The following OVCH2 variants were observed in gnomAD, a reference collection of about 807,000 sequenced individuals.
OVCH2 encodes the protein ovochymase 2, also known as ovochymase-2.
In OVCH2, 88 loss-of-function variants were observed where a neutral mutation model predicts 73.7. The observed-to-expected ratio is 1.19, with a 90% CI of 1.01 to 1.43. OVCH2 has a LOEUF of 1.43. Among genes scored for constraint, OVCH2 ranks in the 40% most tolerant of loss-of-function variants. The pLI, the probability that OVCH2 is intolerant of heterozygous loss-of-function variation, is 0.00. For missense variants in OVCH2, 706 were observed against 674.5 expected (o/e 1.05, Z -0.52); for synonymous variants, 265 against 234.5 (o/e 1.13, Z -1.19).
Position 7,703,881 on chromosome 11 carries a change from A to G in OVCH2, c.199-92T>C, listed in dbSNP as rs372812642. ...AGCCTATTCTCAAAACCAGACTCAG[A>G]TATCACACTCGTAAATGTCAAGAAT... is the stretch of plus-strand genomic sequence containing the variant. On this transcript the variant is annotated intron_variant, in intron 2 of 15. Transcript: ENST00000533663. 6.8e-4 allele frequency: 640 copies of G among 938,370 alleles called. 11 individuals are homozygous for G. In the South Asian group the frequency reaches 8.7e-3, roughly 13 times the overall value. 58.1% of individuals were successfully genotyped at this position (938,370 alleles called of 1,614,324 possible). A position where few individuals can be genotyped will look rare whatever the true frequency, so the allele number is the denominator to read the frequency against.
chr11:7,698,085 C>T (rs530820636), intron 8 of OVCH2, among the ~76,000 whole-genome samples: 1 of 152,260 alleles, frequency 6.6e-6, no homozygotes, highest in African/African-American at 2.4e-5. Flanking sequence ...TTTTTCTTTA[C>T]CCATATTCCA....
In OVCH2 at chr11:7,691,876, C is replaced by T. The variant is rs137954827; in HGVS notation, c.1507+26G>A. ...GACTGGGTCCAAACACAAACCAGAG[C>T]GAGCTGAGGCTCAGAGGACACAAAC... is the stretch of plus-strand genomic sequence containing the variant. On this transcript the variant is annotated intron_variant, in intron 13 of 15. Coordinates refer to ENST00000533663, the MANE Select transcript of OVCH2 (RefSeq NM_198185.7). The T allele has an allele frequency of 1.3e-3, 2,036 of 1,525,700 alleles. 46 individuals are homozygous for T. The East Asian group carries it at 0.044, about 33-fold the overall frequency. The allele number at this position is 1,525,700 out of a possible 1,614,324, so 94.5% of individuals were successfully genotyped here.
intron 3 of OVCH2, 130 bp from the exon 4 acceptor site, chr11:7,702,459 A>C: frequency 1.4e-6 from 1 of 728,312 alleles, no homozygotes; most frequent in Non-Finnish European, 2.1e-6. Context: ...TGAGCAGAGA[A>C]AGTGAGAATA....
At position 7,696,523 on chromosome 11, in the gene OVCH2, A is replaced by G; in HGVS notation, c.1083T>C (p.Asp361=). Reference sequence around the variant, plus strand: ...GGTAACTGTGGTGACAAGACTCAACATCTAGGTGGGAAAAACTGAGCAACA... The same window carrying G: ...GGTAACTGTGGTGACAAGACTCAACGTCTAGGTGGGAAAAACTGAGCAACA... ...MHVLLSFSHL[D]VESCHHSYLS... Residue 361 remains aspartate, a synonymous_variant, in exon 10 of 16, where the codon GAT becomes GAC. Transcript: ENST00000533663. 1 of 1,614,024 alleles carries G rather than the reference A, an allele frequency of 6.2e-7. No homozygotes were observed. The highest frequency in any genetic ancestry group is 8.5e-7 in the Non-Finnish European group (1 of 1,179,884).
At chr11:7,688,719 ATCT>A (rs1338227665), downstream of OVCH2, among the ~76,000 whole-genome samples, 1 of 152,244 alleles carries the variant, frequency 6.6e-6, no homozygotes, top group Non-Finnish European at 1.5e-5. Flanking sequence ...TCCCCACCTC[ATCT>A]TCTGCCTGCT....
At chr11:7,697,125 C>T (rs1856352400) in intron 8 of OVCH2, among the ~76,000 whole-genome samples, 2 of 152,176 alleles carry the variant, frequency 1.3e-5, no homozygotes, top group Admixed American at 1.3e-4. Context: ...CAACCTCAAC[C>T]TCCTGGGCTC....
Position 7,704,650 on chromosome 11 carries a change from A to G in OVCH2, c.113T>C (p.Val38Ala). Reference sequence around the variant, plus strand: ...AAAATAATTCCAAGGCTGTACCTTAACCAGACTCTGCCCACAACTGGGAGC... The same window carrying G: ...AAAATAATTCCAAGGCTGTACCTTAGCCAGACTCTGCCCACAACTGGGAGC... ...PKAPSCGQSLVKVQPWNYFNI... is the reference protein window; with the variant it reads ...PKAPSCGQSLAKVQPWNYFNI... Residue 38 changes from valine (V) to alanine (A), a missense_variant, in exon 2 of 16, where the codon GTT becomes GCT. By Grantham distance (64) the Val-to-Ala change is moderately conservative (BLOSUM62 0). Coordinates refer to ENST00000533663, the MANE Select transcript of OVCH2 (RefSeq NM_198185.7). 1 of 1,612,492 alleles carries G rather than the reference A, an allele frequency of 6.2e-7. No individual in the cohort carries two copies. Among genetic ancestry groups the G allele is most frequent in the South Asian group, 1.1e-5 (1 of 90,752 alleles).
At chr11:7,704,773 T>G (rs1360621617) in intron 1 of OVCH2, 99 bp from the exon 2 acceptor site, 2 of 734,162 alleles carry the variant, frequency 2.7e-6, no homozygotes, top group Non-Finnish European at 2.3e-6. Context: ...GAGACTATGG[T>G]GTATGGTGCT....
downstream of OVCH2, among the ~76,000 whole-genome samples, chr11:7,689,180 G>T (rs554004190): frequency 1.3e-5 from 2 of 152,284 alleles, no homozygotes; most frequent in South Asian, 4.1e-4. Context: ...AGATCATCTT[G>T]AATAATCTGG....
At chr11:7,692,218 A>G (rs1856236277) in intron 12 of OVCH2, among the ~76,000 whole-genome samples, 1 of 152,230 alleles carries the variant, frequency 6.6e-6, no homozygotes, top group African/African-American at 2.4e-5. Context: ...ATCAAAGGGC[A>G]GGAAACTGTG....
At chr11:7,700,630 AT>A in intron 6 of OVCH2, 145 bp from the exon 7 acceptor site, 2 of 882,050 alleles carry the variant, frequency 2.3e-6, no homozygotes, top group Non-Finnish European at 3.3e-6. Flanking sequence ...GTGTATACAG[AT>A]CCCAGCACAA....
the OVCH2 span, among the ~76,000 whole-genome samples, chr11:7,680,021 T>C: frequency 1.3e-5 from 2 of 150,858 alleles, no homozygotes; most frequent in Non-Finnish European, 3.0e-5. Context: ...TCGACTGTGT[T>C]CTTCGGAATA....
At chr11:7,692,936 C>T (rs1490278139) in intron 12 of OVCH2, among the ~76,000 whole-genome samples, 4 of 152,194 alleles carry the variant, frequency 2.6e-5, no homozygotes, top group Non-Finnish European at 2.9e-5. Flanking sequence ...AAAAACTTGG[C>T]AGTGAATATC....
chr11:7,691,590 C>G (rs1330336871), intron 13 of OVCH2, among the ~76,000 whole-genome samples, 190 bp from the exon 14 acceptor site: 4 of 152,210 alleles, frequency 2.6e-5, no homozygotes, highest in Non-Finnish European at 5.9e-5. Context: ...GTTTTCTCTC[C>G]TGAACACTCC....
At chr11:7,699,027 G>A (rs572882363) in intron 7 of OVCH2, 39 of 428,700 alleles carry the variant, frequency 9.1e-5, no homozygotes, top group African/African-American at 6.0e-4. Context: ...ACAGAGGAAG[G>A]GGTCATTTTA....
the OVCH2 span, among the ~76,000 whole-genome samples, chr11:7,680,828 AT>A: frequency 6.6e-6 from 1 of 152,250 alleles, no homozygotes; most frequent in Non-Finnish European, 1.5e-5. Context: ...CAATAAATGA[AT>A]GATTGTTTTT....
At chr11:7,697,037 T>G in intron 8 of OVCH2, 1 of 519,994 alleles carries the variant, frequency 1.9e-6, no homozygotes, top group Non-Finnish European at 3.4e-6. Flanking sequence ...TCTTTTTATT[T>G]TATTTTATTT....
downstream of OVCH2, among the ~76,000 whole-genome samples, chr11:7,684,584 G>A (rs1312613093): frequency 6.6e-6 from 1 of 151,054 alleles, no homozygotes; most frequent in African/African-American, 2.4e-5. Context: ...CTATATTAGA[G>A]CACATTTTTT....
intron 5 of OVCH2, 81 bp from the exon 6 acceptor site, chr11:7,701,556 C>T (rs1392790040): frequency 6.5e-6 from 10 of 1,530,354 alleles, no homozygotes; most frequent in Admixed American, 6.1e-5. Flanking sequence ...GTGTTTGTGT[C>T]GCTTGGCAAG....
Sources: allele counts gnomAD v4.1 joint callset (sites outside exome capture counted in the v4.1 genomes callset), GRCh38; gene constraint gnomAD v4.1.1; transcripts MANE v1.5; gene names NCBI Gene and HGNC (gene_info 2026-07-23, HGNC 2026-07-21).